NRXN1: variants seen among roughly 807,000 people sequenced by gnomAD.
NRXN1 encodes the protein neurexin 1.
In NRXN1, 39 loss-of-function variants were observed where a neutral mutation model predicts 150.9. The observed-to-expected ratio is 0.26, with a 90% CI of 0.20 to 0.34. NRXN1 has a LOEUF of 0.34. NRXN1 is among the 10% of genes least tolerant of loss of function. The probability of loss-of-function intolerance (pLI) is 1.00; values close to 1 mark genes in which losing one functional copy is unlikely to be tolerated. For missense variants in NRXN1, 1,815 were observed against 1,949.9 expected (o/e 0.93, Z 1.30); for synonymous variants, 924 against 757.0 (o/e 1.22, Z -3.62).
At chr2:50,599,403 G>C (rs986346578) in intron 8 of NRXN1, among the ~76,000 whole-genome samples, 2 of 152,170 alleles carry the variant, frequency 1.3e-5, no homozygotes, top group African/African-American at 4.8e-5. Context: ...ATGTTTACCT[G>C]TTGAAATCTG....
chr2:50,714,094 A>T (rs1252376134), intron 5 of NRXN1, among the ~76,000 whole-genome samples: 1 of 152,180 alleles, frequency 6.6e-6, no homozygotes, highest in African/African-American at 2.4e-5. Context: ...TAGAAAAGGT[A>T]GCAAGATACT....
chr2:50,606,913 G>T (rs888831799), intron 8 of NRXN1, among the ~76,000 whole-genome samples: 1 of 151,950 alleles, frequency 6.6e-6, no homozygotes, highest in Non-Finnish European at 1.5e-5. Context: ...CGTGTTATGT[G>T]TATTTCAAAG....
chr2:50,506,177 C>G (rs1425205839), intron 13 of NRXN1, among the ~76,000 whole-genome samples: 1 of 151,920 alleles, frequency 6.6e-6, no homozygotes, highest in Non-Finnish European at 1.5e-5. Context: ...AGAAACTCAA[C>G]AGAAATTGGC....
rs60283749 is a variant in NRXN1 at position 50,635,321 on chromosome 2, CT to C, written c.833-11707del. ...TACAGGTGCCCGCCACCATGCCTAG[CT>C]TTTTTTTTTTTTTTCTGTATTTTTA... On this transcript the variant is annotated intron_variant, in intron 5 of 22. Coordinates refer to ENST00000401669, the MANE Select transcript of NRXN1 (RefSeq NM_001330078.2). Among the ~76,000 whole-genome samples, 718 of 139,134 alleles carry C rather than the reference CT, an allele frequency of 5.2e-3. 1 individual carries two copies. Among genetic ancestry groups the C allele is most frequent in the African/African-American group, 9.1e-3 (341 of 37,376 alleles). 91.3% of individuals were successfully genotyped at this position (139,134 alleles called of 152,430 possible).
intron 5 of NRXN1, among the ~76,000 whole-genome samples, chr2:50,876,326 A>C (rs1678586204): frequency 6.6e-6 from 1 of 151,156 alleles, no homozygotes; most frequent in African/African-American, 2.4e-5. Context: ...TCATGATGAA[A>C]AATTCCACTT....
intron 2 of NRXN1, among the ~76,000 whole-genome samples, chr2:50,937,568 C>T (rs1368552020): frequency 6.6e-6 from 1 of 152,034 alleles, no homozygotes; most frequent in Non-Finnish European, 1.5e-5. Flanking sequence ...TAGTTGCCAT[C>T]CAAATTTCAG....
chr2:50,301,114 C>A (rs2074108486), intron 17 of NRXN1, among the ~76,000 whole-genome samples: 2 of 152,328 alleles, frequency 1.3e-5, no homozygotes, highest in South Asian at 4.1e-4. Context: ...TTGTTCAGAT[C>A]TGGTTATTCA....
At chr2:50,034,416 C>T (rs186660272) in intron 21 of NRXN1, among the ~76,000 whole-genome samples, 2 of 152,186 alleles carry the variant, frequency 1.3e-5, no homozygotes, top group African/African-American at 4.8e-5. Context: ...ATCACATGTT[C>T]TCACTTATAA....
At chr2:50,748,567 A>G (rs560627386) in intron 5 of NRXN1, among the ~76,000 whole-genome samples, 28 of 152,190 alleles carry the variant, frequency 1.8e-4, no homozygotes, top group African/African-American at 6.5e-4. Flanking sequence ...GGTAAATTAT[A>G]AATACTCCCG....
intron 5 of NRXN1, among the ~76,000 whole-genome samples, chr2:50,678,143 C>A (rs921777640): frequency 6.6e-6 from 1 of 152,034 alleles, no homozygotes; most frequent in East Asian, 1.9e-4. Flanking sequence ...CTGCCCAATG[C>A]GTCTGATTTT....
intron 2 of NRXN1, among the ~76,000 whole-genome samples, chr2:51,004,513 T>C (rs770762571): frequency 1.3e-5 from 2 of 151,846 alleles, no homozygotes; most frequent in Non-Finnish European, 2.9e-5. Flanking sequence ...TTAAAGTACG[T>C]GGTTTTATAA....
intron 17 of NRXN1, among the ~76,000 whole-genome samples, chr2:50,423,173 A>G (rs2084137135): frequency 6.6e-6 from 1 of 152,110 alleles, no homozygotes; most frequent in Non-Finnish European, 1.5e-5. Flanking sequence ...TCTCACCTGG[A>G]ATTTTGTCTT....
intron 17 of NRXN1, among the ~76,000 whole-genome samples, chr2:50,381,755 T>C (rs2080987871): frequency 6.6e-6 from 1 of 152,178 alleles, no homozygotes; most frequent in Non-Finnish European, 1.5e-5. Context: ...TAGTTTTAAA[T>C]GCAAGGTGCT....
intron 15 of NRXN1, among the ~76,000 whole-genome samples, chr2:50,478,175 G>A (rs546586304): frequency 3.3e-5 from 5 of 152,192 alleles, no homozygotes; most frequent in African/African-American, 1.2e-4. Context: ...TTAGATAAAA[G>A]AAAATGACCT....
At chr2:50,876,699 T>C (rs1574796505) in intron 5 of NRXN1, among the ~76,000 whole-genome samples, 1 of 151,848 alleles carries the variant, frequency 6.6e-6, no homozygotes, top group Non-Finnish European at 1.5e-5. Context: ...GTAACTAATA[T>C]ACATTCCAAA....
At chr2:50,348,567 G>A (rs1285942063) in intron 17 of NRXN1, among the ~76,000 whole-genome samples, 2 of 152,176 alleles carry the variant, frequency 1.3e-5, no homozygotes, top group Non-Finnish European at 1.5e-5. Flanking sequence ...ATCAGGAAAT[G>A]AAAATTCCTA....
chr2:50,601,598 G>A (rs1192450170), intron 8 of NRXN1, among the ~76,000 whole-genome samples: 1 of 152,164 alleles, frequency 6.6e-6, no homozygotes, highest in African/African-American at 2.4e-5. Flanking sequence ...GAAGAGTGGT[G>A]ACAAGAATCT....
chr2:50,887,257 T>A (rs1322188272), intron 5 of NRXN1, among the ~76,000 whole-genome samples: 1 of 151,414 alleles, frequency 6.6e-6, no homozygotes, highest in Admixed American at 6.6e-5. Flanking sequence ...CTTGATCCAT[T>A]AGAGGAGTTC....
At chr2:50,560,411 T>C (rs1668879651) in intron 8 of NRXN1, among the ~76,000 whole-genome samples, 1 of 150,254 alleles carries the variant, frequency 6.7e-6, no homozygotes, top group African/African-American at 2.5e-5. Context: ...CTGTACAAAG[T>C]AGTCTGATGT....
Sources: allele counts gnomAD v4.1 joint callset (sites outside exome capture counted in the v4.1 genomes callset), GRCh38; gene constraint gnomAD v4.1.1; transcripts MANE v1.5; gene names NCBI Gene and HGNC (gene_info 2026-07-23, HGNC 2026-07-21).